ADAD1: variants seen among roughly 807,000 people sequenced by gnomAD.
The protein encoded by ADAD1 is adenosine deaminase domain-containing protein 1.
Under a neutral mutation model 66.8 loss-of-function variants are expected in ADAD1, and 46 were observed. That is an observed-to-expected ratio of 0.69 (90% CI 0.54 to 0.88). The LOEUF (loss-of-function observed/expected upper bound fraction) is 0.88. Ranked by LOEUF, ADAD1 falls within the 40% of genes least tolerant of loss-of-function variation. ADAD1 has a pLI of 0.00. For missense variants in ADAD1, 617 were observed against 681.8 expected (o/e 0.91, Z 1.06); for synonymous variants, 248 against 229.4 (o/e 1.08, Z -0.73).
At chr4:122,379,979 T>G (rs905125997) in intron 2 of ADAD1, 83 bp from the exon 3 acceptor site, 5 of 1,343,490 alleles carry the variant, frequency 3.7e-6, no homozygotes, top group Non-Finnish European at 5.0e-6. Context: ...ATGGAAATAA[T>G]GGGGGGGTGG....
Position 122,415,522 on chromosome 4 carries a change from A to G in ADAD1, c.1393A>G (p.Met465Val). 6.2e-7 allele frequency: 1 copy of G among 1,613,958 alleles called. No individual in the cohort carries two copies. The highest frequency in any genetic ancestry group is 8.5e-7 in the Non-Finnish European group (1 of 1,179,878). ...SLVPSAYPLQMNLEYKFLSLN... is the reference protein window; with the variant it reads ...SLVPSAYPLQVNLEYKFLSLN... ...AGTACCCTCTGCATATCCCCTTCAA[A>G]TGAACTTGGAATATAAATTTCTGAG... is the stretch of plus-strand genomic sequence containing the variant. Residue 465 changes from methionine to valine, a missense_variant, in exon 11 of 13, where the codon ATG becomes GTG. Coordinates refer to ENST00000296513, the MANE Select transcript of ADAD1 (RefSeq NM_139243.4).
At chr4:122,396,088 A>G (rs1385638298) in intron 6 of ADAD1, among the ~76,000 whole-genome samples, 164 bp from the exon 7 acceptor site, 1 of 152,218 alleles carries the variant, frequency 6.6e-6, no homozygotes, top group Non-Finnish European at 1.5e-5. Flanking sequence ...ATATTCTTTT[A>G]GAATTGAAAA....
chr4:122,393,455 T>G (rs892712054), intron 5 of ADAD1, 134 bp from the exon 6 acceptor site: 3 of 582,722 alleles, frequency 5.1e-6, no homozygotes, highest in Non-Finnish European at 8.6e-6. Flanking sequence ...CTAATGAGTA[T>G]TTGATGGCCC....
rs1461091628 is a variant in ADAD1, at chr4:122,421,303, T to C, written c.1530T>C (p.Cys510=). 6.2e-7 allele frequency: 1 copy of C among 1,605,880 alleles called. No homozygotes were observed. The highest frequency in any genetic ancestry group is 1.7e-5 in the Admixed American group (1 of 59,944). Residue 510 remains cysteine, a synonymous_variant, in exon 12 of 13, where the codon TGT becomes TGC. Transcript: ENST00000296513. ...KSGMSMASRL[C]KAAMLSRFNL... ...GTATGTCAATGGCAAGTCGGCTTTG[T>C]AAGGCTGCAATGTTAAGTCGGTTTA...
intron 4 of ADAD1, 31 bp downstream of exon 4, chr4:122,381,211 CA>C: frequency 6.6e-7 from 1 of 1,520,110 alleles, no homozygotes; most frequent in East Asian, 2.4e-5. Flanking sequence ...GTCTCAAAAA[CA>C]AAACGAAAAG....
intron 2 of ADAD1, 68 bp downstream of exon 2, chr4:122,379,513 CTT>C (rs928109828): frequency 6.6e-6 from 1 of 152,518 alleles, no homozygotes; most frequent in Non-Finnish European, 1.5e-5. Flanking sequence ...CGCGAGGCCT[CTT>C]TTGAAAGATG....
At chr4:122,421,506 A>G in intron 12 of ADAD1, 116 bp downstream of exon 12, 4 of 978,116 alleles carry the variant, frequency 4.1e-6, no homozygotes, top group Non-Finnish European at 5.4e-6. Flanking sequence ...AATATAAGAT[A>G]TTACCAGGTA....
chr4:122,412,545 T>C (rs752082070), intron 9 of ADAD1, 35 bp from the exon 10 acceptor site: 2 of 1,590,334 alleles, frequency 1.3e-6, no homozygotes, highest in Admixed American at 3.4e-5. Flanking sequence ...TCACCTTTGT[T>C]TTTTAAAGGA....
At chr4:122,426,274 C>A (rs1243283119) in intron 12 of ADAD1, among the ~76,000 whole-genome samples, 1 of 152,068 alleles carries the variant, frequency 6.6e-6, no homozygotes, top group Non-Finnish European at 1.5e-5. Context: ...TAGAAAGACA[C>A]AAATCATAAA....
chr4:122,380,888 A>G (rs1383470252), intron 3 of ADAD1, 104 bp from the exon 4 acceptor site: 3 of 1,017,320 alleles, frequency 2.9e-6, no homozygotes, highest in Admixed American at 6.6e-5. Flanking sequence ...CATATGATGA[A>G]GTGTATCTGG....
intron 11 of ADAD1, among the ~76,000 whole-genome samples, chr4:122,419,077 G>C (rs573446860): frequency 6.6e-6 from 1 of 152,126 alleles, no homozygotes; most frequent in Non-Finnish European, 1.5e-5. Context: ...ACACTTGCAC[G>C]CATATGCTCA....
intron 11 of ADAD1, among the ~76,000 whole-genome samples, chr4:122,419,098 A>G (rs1157620453): frequency 6.6e-6 from 1 of 152,240 alleles, no homozygotes; most frequent in Non-Finnish European, 1.5e-5. Flanking sequence ...TTGCAGCACT[A>G]TTCACAATAG....
intron 6 of ADAD1, among the ~76,000 whole-genome samples, chr4:122,395,890 A>T (rs1271074452): frequency 6.6e-6 from 1 of 152,212 alleles, no homozygotes; most frequent in Non-Finnish European, 1.5e-5. Flanking sequence ...CACAATGATT[A>T]GGGCATTCAG....
At position 122,427,549 on chromosome 4, in the gene ADAD1, T is replaced by TTTC. The variant is rs1553926021; in HGVS notation, c.1618-2077_1618-2076insTTC. Among the ~76,000 whole-genome samples, 66 of 141,530 alleles carry TTTC rather than the reference T, an allele frequency of 4.7e-4. 1 individual carries two copies. Among genetic ancestry groups the TTTC allele is most frequent in the Non-Finnish European group, 7.5e-4 (48 of 63,924 alleles). 92.8% of individuals were successfully genotyped at this position (141,530 alleles called of 152,430 possible). A position where few individuals can be genotyped will look rare whatever the true frequency, so the allele number is the denominator to read the frequency against. On this transcript the variant is annotated intron_variant, in intron 12 of 12. Transcript: ENST00000296513. ...TTTTTTTTTTTTTTTTTTTTTTTTT[T>TTTC]CCTGATGCGGAGTCTTGCTCTGTCA...
Position 122,383,918 on chromosome 4 carries a change from G to A in ADAD1, c.481G>A (p.Glu161Lys), listed in dbSNP as rs1795031286. Reference sequence around the variant, plus strand: ...CAATGCAGCAAAATTAGCTCTTGATGAGCTTCTACAACTGGATGAACCTGA... The same window carrying A: ...CAATGCAGCAAAATTAGCTCTTGATAAGCTTCTACAACTGGATGAACCTGA... Reference protein sequence around the residue: ...RSNAAKLALDELLQLDEPEPR... With the variant: ...RSNAAKLALDKLLQLDEPEPR... Residue 161 changes from glutamate to lysine, a missense_variant, in exon 5 of 13, where the codon GAG becomes AAG. Physicochemically the swap from Glu to Lys is moderately conservative, Grantham distance 56 (BLOSUM62 1). Coordinates refer to ENST00000296513, the MANE Select transcript of ADAD1 (RefSeq NM_139243.4). The A allele has an allele frequency of 1.2e-6, 2 of 1,613,680 alleles. No homozygotes were observed. The highest frequency in any genetic ancestry group is 8.5e-7 in the Non-Finnish European group (1 of 1,179,840).
chr4:122,380,333 G>T, intron 3 of ADAD1, 92 bp downstream of exon 3: 3 of 1,451,536 alleles, frequency 2.1e-6, no homozygotes, highest in Non-Finnish European at 2.8e-6. Flanking sequence ...TAAAGGTTTC[G>T]TGGTTGTATA....
At position 122,381,098 on chromosome 4, in the gene ADAD1, A is replaced by T. The variant is rs1265612077; in HGVS notation, c.279A>T (p.Gly93=). The T allele has an allele frequency of 6.2e-7, 1 of 1,607,112 alleles. No individual in the cohort carries two copies. The highest frequency in any genetic ancestry group is 8.5e-7 in the Non-Finnish European group (1 of 1,178,798). Residue 93 remains glycine, a synonymous_variant, in exon 4 of 13, where the codon GGA becomes GGT. Transcript: ENST00000296513. ...PKEFIMKYKR[G]EINPVSALHQ... is the part of the protein sequence containing the mutation. Reference sequence around the variant, plus strand: ...AATTTATAATGAAATACAAACGTGGAGAGATAAATCCTGTGTCAGCCTTGC... The same window carrying T: ...AATTTATAATGAAATACAAACGTGGTGAGATAAATCCTGTGTCAGCCTTGC...
intron 12 of ADAD1, among the ~76,000 whole-genome samples, chr4:122,427,460 C>A (rs1797295807): frequency 6.6e-6 from 1 of 150,404 alleles, no homozygotes; most frequent in African/African-American, 2.5e-5. Flanking sequence ...AATTAAAGTT[C>A]CAGCAGGGTT....
At position 122,393,677 on chromosome 4, in the gene ADAD1, C is replaced by T. The variant is rs200013819; in HGVS notation, c.598+20C>T. 56 of 1,556,802 alleles carry T rather than the reference C, an allele frequency of 3.6e-5. No individual in the cohort carries two copies. The African/African-American group carries it at 5.0e-4, about 14-fold the overall frequency. On this transcript the variant is annotated intron_variant, in intron 6 of 12. Coordinates refer to ENST00000296513, the MANE Select transcript of ADAD1 (RefSeq NM_139243.4). ...ATTATGGTAGGAAAGTTTTTTGTGACGTTCTTCTTTAGAAGAGTAGCCCAA... is the reference window on the plus strand; with the variant it reads ...ATTATGGTAGGAAAGTTTTTTGTGATGTTCTTCTTTAGAAGAGTAGCCCAA...
Sources: allele counts gnomAD v4.1 joint callset (sites outside exome capture counted in the v4.1 genomes callset), GRCh38; gene constraint gnomAD v4.1.1; transcripts MANE v1.5; gene names NCBI Gene and HGNC (gene_info 2026-07-23, HGNC 2026-07-21).